NF2: variants seen among roughly 807,000 people sequenced by gnomAD.
The protein encoded by NF2 is NF2, moesin-ezrin-radixin like (MERLIN) tumor suppressor.
In NF2, 8 loss-of-function variants were observed where a neutral mutation model predicts 83.7. The observed-to-expected ratio is 0.10, with a 90% CI of 0.06 to 0.17. The LOEUF is 0.17. NF2 is among the 10% of genes least tolerant of loss of function. The probability of loss-of-function intolerance (pLI) is 1.00; values close to 1 mark genes in which losing one functional copy is unlikely to be tolerated. For synonymous variants in NF2, 266 were observed against 269.6 expected, an observed-to-expected ratio of 0.99 and a Z score of 0.13; for missense variants, 533 against 744.4, an observed-to-expected ratio of 0.72 and a Z score of 3.31.
intron 4 of NF2, among the ~76,000 whole-genome samples, chr22:29,650,172 C>G (rs2146945754): frequency 6.6e-6 from 1 of 152,142 alleles, no homozygotes; most frequent in Non-Finnish European, 1.5e-5. Context: ...TCTGAATATA[C>G]TAAAAAACAC....
chr22:29,626,287 G>A (rs1272181284), intron 1 of NF2, among the ~76,000 whole-genome samples: 1 of 151,532 alleles, frequency 6.6e-6, no homozygotes. Context: ...CCGAGTAGCT[G>A]GGACTACAGG....
rs2067505752 is a variant in NF2 at position 29,694,897 on chromosome 22, C to T, written c.*95C>T. On this transcript the variant is annotated 3_prime_UTR_variant, in exon 16 of 16. Transcript: ENST00000338641. The surrounding 1 kb of genome is among the most constrained non-coding windows in gnomAD (Gnocchi z 4.1). ...AAGAGAGCCATCCATAGGGAGCTGG[C>T]TGGGGGTTTCCGTGGGAGCTCCAGA... The T allele has an allele frequency of 3.5e-5, 47 of 1,344,486 alleles. 1 individual carries two copies. In the South Asian group the frequency reaches 5.0e-4, roughly 14 times the overall value. The allele number at this position is 1,344,486 out of a possible 1,614,324, so 83.3% of individuals were successfully genotyped here.
chr22:29,666,108 T>C (rs968016595), intron 9 of NF2, among the ~76,000 whole-genome samples: 1 of 152,132 alleles, frequency 6.6e-6, no homozygotes, highest in Non-Finnish European at 1.5e-5. Context: ...CACTCTGTTA[T>C]ATATTTTTCT....
chr22:29,629,087 A>G (rs1050891620), intron 1 of NF2, among the ~76,000 whole-genome samples: 3 of 151,710 alleles, frequency 2.0e-5, no homozygotes, highest in South Asian at 2.1e-4. Flanking sequence ...CCTGTGATCT[A>G]TTTCTATTTG....
At chr22:29,628,178 G>A (rs1251184314) in intron 1 of NF2, among the ~76,000 whole-genome samples, 1 of 149,466 alleles carries the variant, frequency 6.7e-6, no homozygotes, top group East Asian at 1.9e-4. Flanking sequence ...GTGTGTGTGT[G>A]TGTGTGTACA....
rs766339217 is a variant in NF2, at chr22:29,674,940, C to T, written c.1445C>T (p.Pro482Leu). 1.3e-5 allele frequency: 21 copies of T among 1,561,360 alleles called. No homozygotes were observed. The highest frequency in any genetic ancestry group is 1.7e-4 in the Middle Eastern group (1 of 6,004). Residue 482 changes from proline (P) to leucine (L), a missense_variant and splice_region_variant, in exon 13 of 16, where the codon CCG (proline) becomes CTG (leucine). Pro to Leu is a moderately conservative substitution (Grantham distance 98, BLOSUM62 -3). Coordinates refer to ENST00000338641, the MANE Select transcript of NF2 (RefSeq NM_000268.4). Reference sequence around the variant, plus strand: ...GAGATTGCCACCAAGCCCACGTACCCGGTGAGCCTGGGGGCCACCAGCTGG... The same window carrying T: ...GAGATTGCCACCAAGCCCACGTACCTGGTGAGCCTGGGGGCCACCAGCTGG... ...LLEIATKPTYPPMNPIPAPLP... is the reference protein window; with the variant it reads ...LLEIATKPTYLPMNPIPAPLP...
At chr22:29,629,932 C>T (rs1282891102) in intron 1 of NF2, among the ~76,000 whole-genome samples, 1 of 152,146 alleles carries the variant, frequency 6.6e-6, no homozygotes. Flanking sequence ...TATATAGTAG[C>T]CAAATTCAGT....
intron 15 of NF2, among the ~76,000 whole-genome samples, chr22:29,688,799 T>C (rs971646241): frequency 1.3e-5 from 2 of 152,220 alleles, no homozygotes; most frequent in Non-Finnish European, 2.9e-5. Context: ...GTTCCACCTC[T>C]GTGTAGGATA....
intron 4 of NF2, among the ~76,000 whole-genome samples, chr22:29,644,702 C>G (rs1312572250): frequency 6.6e-6 from 1 of 152,224 alleles, no homozygotes; most frequent in Admixed American, 6.5e-5. Flanking sequence ...GCGGATCACT[C>G]GCGGTTAGGA....
At chr22:29,621,690 A>C (rs955424769) in intron 1 of NF2, among the ~76,000 whole-genome samples, 10 of 151,966 alleles carry the variant, frequency 6.6e-5, no homozygotes, top group Non-Finnish European at 1.2e-4. Context: ...AAATAAAATA[A>C]ATTAAAAAAA....
chr22:29,692,853 C>G (rs1233332158), intron 15 of NF2, among the ~76,000 whole-genome samples: 1 of 152,208 alleles, frequency 6.6e-6, no homozygotes, highest in Non-Finnish European at 1.5e-5. Flanking sequence ...ACGCGGTTCC[C>G]AATTCCTCTG....
chr22:29,694,385 C>T lies in NF2; in HGVS notation c.1738-367C>T, dbSNP rs2067488012. On this transcript the variant is annotated intron_variant, in intron 15 of 15. Coordinates refer to ENST00000338641, the MANE Select transcript of NF2 (RefSeq NM_000268.4). The surrounding 1 kb of genome is among the most constrained non-coding windows in gnomAD (Gnocchi z 4.1). ...GGGGATGAGCAGCCTCAGCTGGTGC[C>T]GCCACAGACAGCACACCACAGAGGT... is the stretch of plus-strand genomic sequence containing the variant. Among the ~76,000 whole-genome samples the T allele has an allele frequency of 6.6e-6, 1 of 152,164 alleles. No individual in the cohort carries two copies. Among genetic ancestry groups the T allele is most frequent in the Non-Finnish European group, 1.5e-5 (1 of 68,026 alleles).
At chr22:29,612,016 A>T (rs1407631187) in intron 1 of NF2, among the ~76,000 whole-genome samples, 1 of 152,122 alleles carries the variant, frequency 6.6e-6, no homozygotes, top group Non-Finnish European at 1.5e-5. Context: ...TTTTTAAATT[A>T]ATTTTTTTTG....
chr22:29,662,933 G>A (rs762716895), intron 8 of NF2, among the ~76,000 whole-genome samples: 73 of 152,148 alleles, frequency 4.8e-4, no homozygotes, highest in Admixed American at 1.6e-3. Context: ...GTTGCTGCCT[G>A]CAGAGCCCCA....
intron 9 of NF2, among the ~76,000 whole-genome samples, chr22:29,666,545 G>C (rs2066628881): frequency 6.6e-6 from 1 of 152,084 alleles, no homozygotes; most frequent in Admixed American, 6.5e-5. Flanking sequence ...GCTAGGTGGG[G>C]TGGCTCACGC....
rs759344163 is a variant in NF2 at position 29,642,236 on chromosome 22, G to C, written c.398G>C (p.Cys133Ser). The change falls in exon 4 of 16, where the codon TGC (cysteine) becomes TCC (serine). Residue 133 changes from cysteine to serine, a missense_variant. Coordinates refer to ENST00000338641, the MANE Select transcript of NF2 (RefSeq NM_000268.4). ...CAGATTTTAGATGAAAAGATCTACTGCCCTCCTGAGGCTTCTGTGCTCCTG... is the reference window on the plus strand; with the variant it reads ...CAGATTTTAGATGAAAAGATCTACTCCCCTCCTGAGGCTTCTGTGCTCCTG... ...KKQILDEKIYCPPEASVLLAS... is the reference protein window; with the variant it reads ...KKQILDEKIYSPPEASVLLAS... 6.2e-7 allele frequency: 1 copy of C among 1,614,044 alleles called. No homozygotes were observed. The highest frequency in any genetic ancestry group is 8.5e-7 in the Non-Finnish European group (1 of 1,179,912).
intron 10 of NF2, among the ~76,000 whole-genome samples, chr22:29,670,538 T>TGTG (rs1601641444): frequency 6.7e-6 from 1 of 149,288 alleles, no homozygotes; most frequent in East Asian, 2.0e-4. Context: ...TGTGTGTGTG[T>TGTG]ATTTGGCTTA....
In NF2 at chr22:29,671,932, T is replaced by C. The variant is rs745637107; in HGVS notation, c.1106T>C (p.Met369Thr). Reference sequence around the variant, plus strand: ...CTGCAGATGAAAGAAGAAGCAACAATGGCCAACGAAGCACTGGTGATTTCT... The same window carrying C: ...CTGCAGATGAAAGAAGAAGCAACAACGGCCAACGAAGCACTGGTGATTTCT... ...RLLQMKEEAT[M>T]ANEALMRSEE... Residue 369 changes from methionine (M) to threonine (T), a missense_variant, in exon 11 of 16, where the codon ATG becomes ACG. By Grantham distance (81) the Met-to-Thr change is moderately conservative. Coordinates refer to ENST00000338641, the MANE Select transcript of NF2 (RefSeq NM_000268.4). 1.9e-6 allele frequency: 3 copies of C among 1,614,172 alleles called. No individual in the cohort carries two copies. The highest frequency in any genetic ancestry group is 1.1e-5 in the South Asian group (1 of 91,078).
At chr22:29,673,096 G>A (rs913130112) in intron 11 of NF2, among the ~76,000 whole-genome samples, 173 bp from the exon 12 acceptor site, 1 of 152,256 alleles carries the variant, frequency 6.6e-6, no homozygotes, top group African/African-American at 2.4e-5. Flanking sequence ...GGGCCCTTCT[G>A]AAAAGTTGGG....
Sources: allele counts gnomAD v4.1 joint callset (sites outside exome capture counted in the v4.1 genomes callset), GRCh38; gene constraint gnomAD v4.1.1; non-coding constraint Gnocchi (gnomAD v3.1); transcripts MANE v1.5; gene names NCBI Gene and HGNC (gene_info 2026-07-23, HGNC 2026-07-21).